The following FOXP1 variants were observed in gnomAD, a reference collection of about 807,000 sequenced individuals.
FOXP1 encodes the protein forkhead box P1.
Under a neutral mutation model 98.2 loss-of-function variants are expected in FOXP1, and 15 were observed. That is an observed-to-expected ratio of 0.15 (90% confidence interval 0.10 to 0.24). The LOEUF is 0.24. Among genes scored for constraint, FOXP1 ranks in the 10% least tolerant of loss-of-function variants. The pLI is 1.00. For missense variants in FOXP1, 633 were observed against 848.5 expected, an observed-to-expected ratio of 0.75 and a Z score of 3.15; for synonymous variants, 371 against 314.5, an observed-to-expected ratio of 1.18 and a Z score of -1.90.
At chr3:71,534,588 G>A (rs1166960251) in intron 2 of FOXP1, among the ~76,000 whole-genome samples, 1 of 152,220 alleles carries the variant, frequency 6.6e-6, no homozygotes, top group African/African-American at 2.4e-5. Context: ...TTAAACTTTA[G>A]TGTGGATAAG....
At chr3:71,110,575 T>C (rs2057832646) in intron 7 of FOXP1, among the ~76,000 whole-genome samples, 1 of 152,220 alleles carries the variant, frequency 6.6e-6, no homozygotes, top group African/African-American at 2.4e-5. Context: ...CATTAATAAA[T>C]TAGAATTTTA....
chr3:71,370,792 T>G (rs2079244752), intron 3 of FOXP1, among the ~76,000 whole-genome samples: 1 of 132,468 alleles, frequency 7.5e-6, no homozygotes, highest in Non-Finnish European at 1.6e-5. Context: ...TAGAGTTTTT[T>G]TTGTTGTTTT....
intron 3 of FOXP1, among the ~76,000 whole-genome samples, chr3:71,449,180 T>C (rs2086712116): frequency 6.6e-6 from 1 of 152,174 alleles, no homozygotes; most frequent in Non-Finnish European, 1.5e-5. Flanking sequence ...TGTGTTTTAC[T>C]TGGGTCAAGG....
chr3:71,339,009 C>A (rs2107768627), intron 4 of FOXP1, among the ~76,000 whole-genome samples: 1 of 152,328 alleles, frequency 6.6e-6, no homozygotes, highest in Non-Finnish European at 1.5e-5. Flanking sequence ...GGTCTAATTT[C>A]TCCCCCTATT....
At chr3:71,564,930 C>T (rs2046798436) in intron 2 of FOXP1, among the ~76,000 whole-genome samples, 1 of 152,140 alleles carries the variant, frequency 6.6e-6, no homozygotes, top group Non-Finnish European at 1.5e-5. Context: ...GCCAGGCCAA[C>T]ATGCTGAAAT....
intron 6 of FOXP1, among the ~76,000 whole-genome samples, chr3:71,191,337 C>T (rs1267232897): frequency 1.3e-5 from 2 of 152,180 alleles, no homozygotes; most frequent in Non-Finnish European, 2.9e-5. Flanking sequence ...TGTGAGTAGA[C>T]AAGAGATAGG....
chr3:71,090,259 C>A (rs961586538), intron 7 of FOXP1, among the ~76,000 whole-genome samples: 1 of 152,146 alleles, frequency 6.6e-6, no homozygotes, highest in Non-Finnish European at 1.5e-5. Flanking sequence ...TCACATTTTT[C>A]TTGGATATTC....
chr3:70,994,213 C>G (rs2041041827), intron 13 of FOXP1, among the ~76,000 whole-genome samples: 1 of 150,566 alleles, frequency 6.6e-6, no homozygotes, highest in South Asian at 2.1e-4. Context: ...TAATTACAAG[C>G]AGAAGATGGG....
intron 3 of FOXP1, among the ~76,000 whole-genome samples, chr3:71,470,594 G>C (rs953706880): frequency 6.6e-6 from 1 of 152,054 alleles, no homozygotes; most frequent in South Asian, 2.1e-4. Context: ...CAAAAAATTA[G>C]CCAGACGTGG....
intron 3 of FOXP1, among the ~76,000 whole-genome samples, chr3:71,382,994 A>G (rs1032986880): frequency 6.6e-6 from 1 of 152,198 alleles, no homozygotes; most frequent in African/African-American, 2.4e-5. Context: ...AAAATAACCA[A>G]TAAGGGTGCA....
intron 3 of FOXP1, among the ~76,000 whole-genome samples, chr3:71,443,925 C>T (rs1025299765): frequency 6.6e-6 from 1 of 152,138 alleles, no homozygotes; most frequent in African/African-American, 2.4e-5. Flanking sequence ...TTCTATGAGA[C>T]CCCCAAAGGC....
At chr3:71,520,060 G>T (rs563027305) in intron 2 of FOXP1, among the ~76,000 whole-genome samples, 1 of 152,194 alleles carries the variant, frequency 6.6e-6, no homozygotes, top group Non-Finnish European at 1.5e-5. Flanking sequence ...CAGACAGAAA[G>T]GAAGAAAGAA....
intron 3 of FOXP1, 128 bp from the exon 4 acceptor site, chr3:71,359,372 GTA>G (rs2078391964): frequency 6.6e-6 from 1 of 152,296 alleles, no homozygotes; most frequent in South Asian, 2.1e-4. Context: ...ATATAATCAT[GTA>G]TCTAAGCATC....
intron 5 of FOXP1, among the ~76,000 whole-genome samples, chr3:71,243,642 AT>A (rs929881524): frequency 7.2e-5 from 11 of 152,068 alleles, no homozygotes; most frequent in African/African-American, 1.4e-4. Context: ...ACCAACTTTG[AT>A]TTTTTTTAAC....
intron 5 of FOXP1, among the ~76,000 whole-genome samples, chr3:71,273,523 T>C (rs1033937372): frequency 1.3e-5 from 2 of 152,322 alleles, no homozygotes; most frequent in East Asian, 1.9e-4. Context: ...TGGCTGGTAT[T>C]TTCAAACATG....
intron 1 of FOXP1, 55 bp from the exon 2 acceptor site, chr3:71,581,752 G>C: frequency 1.0e-6 from 1 of 985,816 alleles, no homozygotes; most frequent in Non-Finnish European, 1.2e-6. Flanking sequence ...CGTGCAGGCT[G>C]GGGGGAACTG....
At chr3:71,411,003 T>G (rs566902125) in intron 3 of FOXP1, among the ~76,000 whole-genome samples, 2 of 152,188 alleles carry the variant, frequency 1.3e-5, no homozygotes, top group Non-Finnish European at 2.9e-5. Context: ...GAGATGTTGG[T>G]TATTAGGGCT....
intron 5 of FOXP1, among the ~76,000 whole-genome samples, chr3:71,257,286 G>A (rs936015134): frequency 2.0e-5 from 3 of 152,060 alleles, no homozygotes; most frequent in Non-Finnish European, 4.4e-5. Flanking sequence ...TTTAAAAAAC[G>A]CAGAATGGGA....
At chr3:71,221,253 A>C (rs1351446345) in intron 5 of FOXP1, among the ~76,000 whole-genome samples, 1 of 151,558 alleles carries the variant, frequency 6.6e-6, no homozygotes, top group Non-Finnish European at 1.5e-5. Flanking sequence ...ATCATCCCCA[A>C]CTCTTCCCCT....
Sources: allele counts gnomAD v4.1 joint callset (sites outside exome capture counted in the v4.1 genomes callset), GRCh38; gene constraint gnomAD v4.1.1; transcripts MANE v1.5; gene names NCBI Gene and HGNC (gene_info 2026-07-23, HGNC 2026-07-21).